ULK2: variants seen among roughly 807,000 people sequenced by gnomAD.
ULK2 encodes the protein unc-51 like autophagy activating kinase 2.
A neutral mutation model predicts 127.5 loss-of-function variants in ULK2; 76 were observed. The ratio of observed to expected loss-of-function variants is 0.60; its 90% CI spans 0.50 to 0.72. The LOEUF (loss-of-function observed/expected upper bound fraction) is 0.72. Ranked by LOEUF, ULK2 falls within the 30% of genes least tolerant of loss-of-function variation. The pLI is 0.00. For synonymous variants in ULK2, 452 were observed against 461.9 expected, an observed-to-expected ratio of 0.98 and a Z score of 0.28; for missense variants, 1,144 against 1,295.9, an observed-to-expected ratio of 0.88 and a Z score of 1.80.
chr17:19,799,295 T>C (rs1449401814), intron 17 of ULK2, among the ~76,000 whole-genome samples, 200 bp downstream of exon 17: 1 of 152,082 alleles, frequency 6.6e-6, no homozygotes, highest in East Asian at 1.9e-4. Flanking sequence ...CTTATTTTCA[T>C]TAAGGAATCT....
At chr17:19,849,304 A>C (rs2041962247) in intron 5 of ULK2, 65 bp downstream of exon 5, 2 of 1,409,792 alleles carry the variant, frequency 1.4e-6, no homozygotes, top group South Asian at 1.3e-5. Context: ...TTTCACAAGT[A>C]CCTCTTAGGA....
chr17:19,774,178 T>A lies in ULK2; in HGVS notation c.*2171A>T, dbSNP rs2086776248. 1 of 152,672 alleles carries A rather than the reference T, an allele frequency of 6.5e-6. No individual in the cohort carries two copies. The highest frequency in any genetic ancestry group is 2.4e-5 in the African/African-American group (1 of 41,454). 9.5% of individuals were successfully genotyped at this position (152,672 alleles called of 1,614,324 possible). A position where few individuals can be genotyped will look rare whatever the true frequency, so the allele number is the denominator to read the frequency against. The stretch of plus-strand genomic sequence containing the variant: ...CAGGGAAACATAAAGCATTTGTTTA[T>A]TATTGCTATACTCAAGGCAAAATCT... On this transcript the variant is annotated 3_prime_UTR_variant, in exon 27 of 27. Coordinates refer to ENST00000395544, the MANE Select transcript of ULK2 (RefSeq NM_014683.4).
intron 14 of ULK2, among the ~76,000 whole-genome samples, chr17:19,806,880 T>C (rs2087527488): frequency 6.6e-6 from 1 of 152,198 alleles, no homozygotes; most frequent in Non-Finnish European, 1.5e-5. Context: ...TCACATGTTA[T>C]TCTATCTACT....
chr17:19,861,135 G>A (rs1287839709), intron 3 of ULK2: 5 of 151,564 alleles, frequency 3.3e-5, no homozygotes, highest in Non-Finnish European at 7.4e-5. Context: ...TTTGAATGCA[G>A]TCACCCTGAA....
intron 15 of ULK2, among the ~76,000 whole-genome samples, chr17:19,803,348 T>C (rs538138873): frequency 6.6e-6 from 1 of 152,344 alleles, no homozygotes; most frequent in South Asian, 2.1e-4. Flanking sequence ...CATTCTTTTG[T>C]ACTGCAAGTG....
chr17:19,815,188 A>C (rs1368274684), intron 13 of ULK2, among the ~76,000 whole-genome samples: 1 of 152,190 alleles, frequency 6.6e-6, no homozygotes, highest in Non-Finnish European at 1.5e-5. Context: ...ATCTACAGGA[A>C]GAATATACCC....
chr17:19,810,604 C>G (rs1010584883), intron 13 of ULK2, among the ~76,000 whole-genome samples, 166 bp from the exon 14 acceptor site: 1 of 152,306 alleles, frequency 6.6e-6, no homozygotes, highest in South Asian at 2.1e-4. Flanking sequence ...GAAAACTACA[C>G]CTAGCTGAAG....
chr17:19,840,143 T>C (rs1055484957), intron 9 of ULK2: 42 of 417,430 alleles, frequency 1.0e-4, no homozygotes, highest in African/African-American at 7.8e-4. Context: ...TCCCAAAGTA[T>C]ACTCTATCAC....
intron 12 of ULK2, among the ~76,000 whole-genome samples, chr17:19,818,797 C>CTTTTTTTTTTTTTTT (rs71157835): frequency 1.5e-4 from 12 of 77,768 alleles, no homozygotes; most frequent in East Asian, 3.2e-4. Context: ...TTTCTTTTTT[C>CTTTTTTTTTTTTTTT]TTTTTTTTTT....
At chr17:19,859,457 T>G (rs1276727524) in intron 3 of ULK2, among the ~76,000 whole-genome samples, 1 of 152,198 alleles carries the variant, frequency 6.6e-6, no homozygotes, top group African/African-American at 2.4e-5. Flanking sequence ...AGGCAGAGGT[T>G]GCAGTGAGCT....
intron 21 of ULK2, 41 bp downstream of exon 21, chr17:19,785,895 CA>C: frequency 6.3e-7 from 1 of 1,583,450 alleles, no homozygotes; most frequent in Non-Finnish European, 8.6e-7. Flanking sequence ...CACTACATTC[CA>C]AATACTAGCC....
At chr17:19,850,127 G>A (rs1367727467) in intron 3 of ULK2, among the ~76,000 whole-genome samples, 1 of 152,116 alleles carries the variant, frequency 6.6e-6, no homozygotes, top group African/African-American at 2.4e-5. Flanking sequence ...TTGGTCCTTG[G>A]GGAAACACTT....
Position 19,845,376 on chromosome 17 carries a change from C to T in ULK2, c.471G>A (p.Ala157=), listed in dbSNP as rs1193065602. Residue 157 remains alanine (A), a splice_region_variant and synonymous_variant, in exon 7 of 27, where the codon GCG becomes GCA. Coordinates refer to ENST00000395544, the MANE Select transcript of ULK2 (RefSeq NM_014683.4). ...GTAGGTAACGAGCAAAACCAAAATC[C>T]GCTATTTCACAAAACAGAAAGTAGA... ...SSVSGIRIKI[A]DFGFARYLHS... 6.2e-7 allele frequency: 1 copy of T among 1,613,130 alleles called. No individual in the cohort carries two copies.
rs1293719088 is a variant in ULK2 at position 19,775,200 on chromosome 17, AAGTTAACTGC to A, written c.*1139_*1148del. 1.3e-5 allele frequency: 2 copies of A among 152,782 alleles called. No homozygotes were observed. Among genetic ancestry groups the A allele is most frequent in the South Asian group, 2.1e-4 (1 of 4,830 alleles). The allele number at this position is 152,782 out of a possible 1,614,324, so 9.5% of individuals were successfully genotyped here. A position where few individuals can be genotyped will look rare whatever the true frequency, so the allele number is the denominator to read the frequency against. ...TAGGAACCATTCCTGGAGGGATATT[AAGTTAACTGC>A]CTGCATTCTCCATGACTAGCTATTT... On this transcript the variant is annotated 3_prime_UTR_variant, in exon 27 of 27. Transcript: ENST00000395544.
rs1426485860 is a variant in ULK2, at chr17:19,783,756, T to TG, written c.2400dup (p.Ser801GlnfsTer9). Reference sequence around the variant, plus strand: ...TCAAAGGTGATGAGCCCCTCTAGGCTGGGGGGTGAAGCACCGTAAGGCACG... The same window carrying TG: ...TCAAAGGTGATGAGCCCCTCTAGGCTGGGGGGGTGAAGCACCGTAAGGCACG... On this transcript the variant is annotated frameshift_variant, in exon 22 of 27. Coordinates refer to ENST00000395544, the MANE Select transcript of ULK2 (RefSeq NM_014683.4). LOFTEE classifies it high-confidence loss of function. 1.2e-6 allele frequency: 2 copies of TG among 1,600,620 alleles called. No individual in the cohort carries two copies. The highest frequency in any genetic ancestry group is 1.3e-5 in the African/African-American group (1 of 74,446).
chr17:19,859,194 T>C (rs183374166), intron 3 of ULK2, among the ~76,000 whole-genome samples: 29 of 151,984 alleles, frequency 1.9e-4, no homozygotes, highest in Admixed American at 5.9e-4. Flanking sequence ...AAAAATTTTT[T>C]TTAAAAAGGT....
intron 10 of ULK2, among the ~76,000 whole-genome samples, chr17:19,834,021 A>C (rs1040189959): frequency 2.0e-5 from 3 of 152,198 alleles, no homozygotes; most frequent in African/African-American, 7.2e-5. Flanking sequence ...TCACAGTTAA[A>C]ATTGTTGAAA....
chr17:19,852,337 C>T (rs1226149386), intron 3 of ULK2, among the ~76,000 whole-genome samples: 2 of 150,190 alleles, frequency 1.3e-5, no homozygotes, highest in Non-Finnish European at 3.0e-5. Flanking sequence ...GTGGCTAACG[C>T]GGTGAAACCC....
intron 3 of ULK2, among the ~76,000 whole-genome samples, chr17:19,858,477 A>C (rs955516536): frequency 2.0e-5 from 3 of 152,170 alleles, no homozygotes; most frequent in Non-Finnish European, 2.9e-5. Flanking sequence ...TTCCACAATG[A>C]CAAGGACCAT....
Sources: allele counts gnomAD v4.1 joint callset (sites outside exome capture counted in the v4.1 genomes callset), GRCh38; gene constraint gnomAD v4.1.1; transcripts MANE v1.5; gene names NCBI Gene and HGNC (gene_info 2026-07-23, HGNC 2026-07-21).